FRMD4A: variants seen among roughly 807,000 people sequenced by gnomAD.
The protein encoded by FRMD4A is FERM domain containing 4A, also known as FERM domain-containing protein 4A.
Under a neutral mutation model 129.1 loss-of-function variants are expected in FRMD4A, and 29 were observed. That is an observed-to-expected ratio of 0.22 (90% CI 0.17 to 0.31). The LOEUF (loss-of-function observed/expected upper bound fraction) is 0.31. Ranked by LOEUF, FRMD4A falls within the 10% of genes least tolerant of loss-of-function variation. The pLI is 1.00. For missense variants in FRMD4A, 1,272 were observed against 1,375.8 expected (o/e 0.92, Z 1.19); for synonymous variants, 634 against 571.6 (o/e 1.11, Z -1.56).
chr10:13,908,182 A>C (rs557959167), intron 2 of FRMD4A, among the ~76,000 whole-genome samples: 4,287 of 150,818 alleles, frequency 0.028, 301 homozygotes, highest in African/African-American at 0.098. Flanking sequence ...AAAAAAAAAA[A>C]AAAAAAAAGG....
chr10:14,196,197 A>G (rs1842468950), intron 2 of FRMD4A, among the ~76,000 whole-genome samples: 1 of 151,956 alleles, frequency 6.6e-6, no homozygotes, highest in South Asian at 2.1e-4. Flanking sequence ...ACATCCTTGC[A>G]CCAGCAGTCA....
rs549257894 is a variant in FRMD4A, at chr10:13,929,402, G to A, written c.46-70490C>T. On this transcript the variant is annotated intron_variant, in intron 2 of 24. Coordinates refer to ENST00000357447, the MANE Select transcript of FRMD4A (RefSeq NM_018027.5). ...CCACCTGGCAGGTGCAGAGCTGCCC[G>A]CCTACTACGCCCTGGGTCACCTGCT... is the stretch of plus-strand genomic sequence containing the variant. 2.5e-4 allele frequency among the ~76,000 whole-genome samples: 38 copies of A among 152,298 alleles called. No individual in the cohort carries two copies. In the East Asian group the frequency reaches 6.2e-3, roughly 25 times the overall value.
At chr10:14,255,437 G>C (rs1486545689) in intron 2 of FRMD4A, among the ~76,000 whole-genome samples, 1 of 152,142 alleles carries the variant, frequency 6.6e-6, no homozygotes. Context: ...GGTATCAAAA[G>C]GGAAGACCTG....
chr10:13,725,408 C>T (rs1298078033), intron 12 of FRMD4A, among the ~76,000 whole-genome samples: 1 of 152,224 alleles, frequency 6.6e-6, no homozygotes, highest in South Asian at 2.1e-4. Flanking sequence ...AAGCTTGTCA[C>T]CCTGGGAGAG....
chr10:14,314,234 A>G (rs1383925078), intron 2 of FRMD4A, among the ~76,000 whole-genome samples: 1 of 151,986 alleles, frequency 6.6e-6, no homozygotes, highest in African/African-American at 2.4e-5. Flanking sequence ...GCCACCTCGC[A>G]TGCAAGAAAA....
intron 2 of FRMD4A, among the ~76,000 whole-genome samples, chr10:14,030,185 C>T (rs996805527): frequency 2.0e-5 from 3 of 152,142 alleles, no homozygotes; most frequent in South Asian, 2.1e-4. Context: ...CAATGCACAG[C>T]GATGTGACTG....
At chr10:14,074,693 A>C (rs1264306524) in intron 2 of FRMD4A, 1 of 152,200 alleles carries the variant, frequency 6.6e-6, no homozygotes, top group Non-Finnish European at 1.5e-5. Flanking sequence ...CCGGACTCAA[A>C]TTCCACAGAT....
intron 2 of FRMD4A, among the ~76,000 whole-genome samples, chr10:14,309,142 A>G (rs894663254): frequency 6.6e-6 from 1 of 152,220 alleles, no homozygotes; most frequent in South Asian, 2.1e-4. Context: ...TTTCAACAAC[A>G]TCGCCTGTTA....
intron 2 of FRMD4A, among the ~76,000 whole-genome samples, chr10:13,967,786 C>A (rs2095494328): frequency 6.6e-6 from 1 of 152,212 alleles, no homozygotes; most frequent in African/African-American, 2.4e-5. Flanking sequence ...TGGTTCACAG[C>A]TATAATGCCA....
chr10:13,660,687 A>C, intron 19 of FRMD4A, 134 bp from the exon 20 acceptor site: 1 of 598,856 alleles, frequency 1.7e-6, no homozygotes. Context: ...GTGATGAGAA[A>C]CCCTGAAACT....
Position 13,911,654 on chromosome 10 carries a change from C to T in FRMD4A, c.46-52742G>A, listed in dbSNP as rs181447910. On this transcript the variant is annotated intron_variant, in intron 2 of 24. Transcript: ENST00000357447. ...TCAGCTCACTGCAACCTCCGCCTCC[C>T]GGGTTCAAGCGATTCTCATGCCTCA... Among the ~76,000 whole-genome samples the T allele has an allele frequency of 1.1e-4, 17 of 152,242 alleles. No homozygotes were observed. In the East Asian group the frequency reaches 2.9e-3, roughly 26 times the overall value.
intron 2 of FRMD4A, 127 bp from the exon 3 acceptor site, chr10:13,859,039 T>C: frequency 2.8e-6 from 2 of 702,820 alleles, no homozygotes; most frequent in East Asian, 2.5e-5. Context: ...GTCGGCACTG[T>C]ATAATGCCAG....
intron 2 of FRMD4A, among the ~76,000 whole-genome samples, chr10:13,913,698 T>C (rs920500415): frequency 2.6e-5 from 4 of 152,116 alleles, no homozygotes; most frequent in African/African-American, 7.2e-5. Flanking sequence ...GTATCCTTAG[T>C]ACTAGTAGAT....
At chr10:13,744,576 C>T (rs1380288963) in intron 9 of FRMD4A, 1 of 152,226 alleles carries the variant, frequency 6.6e-6, no homozygotes, top group African/African-American at 2.4e-5. Context: ...TGGCTAGTCA[C>T]TGCAGAGGCT....
chr10:13,858,752 A>G (rs1282508594), intron 3 of FRMD4A, 95 bp downstream of exon 3: 3 of 791,942 alleles, frequency 3.8e-6, no homozygotes, highest in Non-Finnish European at 6.9e-6. Context: ...ATTTAAAAAC[A>G]GTTTACCAAA....
At chr10:14,034,495 G>C (rs911374089) in intron 2 of FRMD4A, among the ~76,000 whole-genome samples, 4 of 152,102 alleles carry the variant, frequency 2.6e-5, no homozygotes, top group African/African-American at 9.7e-5. Context: ...CTTCCATGAG[G>C]TGAATATATA....
At chr10:14,008,547 A>G (rs1411755707) in intron 2 of FRMD4A, 12 of 983,864 alleles carry the variant, frequency 1.2e-5, no homozygotes, top group Non-Finnish European at 1.1e-5. Flanking sequence ...TAATCAGGTC[A>G]GTTGTCTAAT....
At chr10:13,859,106 G>C (rs1371902344) in intron 2 of FRMD4A, among the ~76,000 whole-genome samples, 194 bp from the exon 3 acceptor site, 1 of 152,188 alleles carries the variant, frequency 6.6e-6, no homozygotes, top group African/African-American at 2.4e-5. Flanking sequence ...GGCCGGGCGC[G>C]GTGGCTCACG....
chr10:14,214,090 A>G (rs1255404639), intron 2 of FRMD4A, among the ~76,000 whole-genome samples: 2 of 152,238 alleles, frequency 1.3e-5, no homozygotes, highest in East Asian at 1.9e-4. Flanking sequence ...GCCTTCTGCC[A>G]TGACTGTGAG....
Sources: gnomAD v4.1 joint callset for allele counts (sites outside exome capture counted in the v4.1 genomes callset) on GRCh38, gnomAD v4.1.1 for gene constraint, MANE v1.5 for transcripts, NCBI Gene and HGNC (gene_info 2026-07-23, HGNC 2026-07-21) for gene names.